C4orf36: variants seen among roughly 807,000 people sequenced by gnomAD.
C4orf36 encodes the protein uncharacterized protein C4orf36.
Under a neutral mutation model 12.2 loss-of-function variants are expected in C4orf36, and 11 were observed. That is an observed-to-expected ratio of 0.90 (90% CI 0.57 to 1.49). The LOEUF (loss-of-function observed/expected upper bound fraction) is 1.49. Ranked by LOEUF, C4orf36 falls within the 40% of genes most tolerant of loss-of-function variation. The probability of loss-of-function intolerance (pLI) is 0.00; values close to 1 mark genes in which losing one functional copy is unlikely to be tolerated. For missense variants in C4orf36, 137 were observed against 133.9 expected, an observed-to-expected ratio of 1.02 and a Z score of -0.11; for synonymous variants, 54 against 51.3, an observed-to-expected ratio of 1.05 and a Z score of -0.22.
chr4:86,904,273 C>T, the C4orf36 span, among the ~76,000 whole-genome samples: 1 of 152,224 alleles, frequency 6.6e-6, no homozygotes, highest in Admixed American at 6.5e-5. Context: ...GCAGCCCTGG[C>T]TCCGCCCGCG....
At chr4:86,928,861 A>G in the C4orf36 span, among the ~76,000 whole-genome samples, 1 of 151,812 alleles carries the variant, frequency 6.6e-6, no homozygotes, top group Admixed American at 6.6e-5. Context: ...CATTTTCCCC[A>G]ACTTCCTCTT....
chr4:86,930,346 T>A, the C4orf36 span, among the ~76,000 whole-genome samples: 1,644 of 152,352 alleles, frequency 0.011, 36 homozygotes, highest in African/African-American at 0.037. Context: ...CTAATCTAAT[T>A]TTGTGTATAG....
In C4orf36 at chr4:86,884,299, A is replaced by T. The variant is rs10049889; in HGVS notation, c.*2+3459T>A. On this transcript the variant is annotated intron_variant, in intron 4 of 4. Coordinates refer to ENST00000295898, the MANE Select transcript of C4orf36 (RefSeq NM_144645.4). The stretch of plus-strand genomic sequence containing the variant: ...AATTAGGCAGAAGGAAAAAGACTGA[A>T]TTTTTTTTTTTTTTTTTTTTTTTGA... Among the ~76,000 whole-genome samples the T allele has an allele frequency of 5.0e-3, 246 of 49,592 alleles. 26 individuals carry two copies. Among genetic ancestry groups the T allele is most frequent in the African/African-American group, 6.8e-3 (90 of 13,168 alleles). 32.5% of individuals were successfully genotyped at this position (49,592 alleles called of 152,430 possible). A position where few individuals can be genotyped will look rare whatever the true frequency, so the allele number is the denominator to read the frequency against.
At chr4:86,890,359 T>G (rs1383841006) in intron 2 of C4orf36, among the ~76,000 whole-genome samples, 1 of 151,974 alleles carries the variant, frequency 6.6e-6, no homozygotes, top group African/African-American at 2.4e-5. Context: ...CTATACAAGA[T>G]ATATTAGGAA....
At chr4:86,893,817 C>A (rs988765978), upstream of C4orf36, among the ~76,000 whole-genome samples, 1 of 151,988 alleles carries the variant, frequency 6.6e-6, no homozygotes, top group Non-Finnish European at 1.5e-5. Context: ...AATGTTGAAA[C>A]CCTCAATGGA....
chr4:86,933,036 T>TA, the C4orf36 span: 2 of 152,116 alleles, frequency 1.3e-5, no homozygotes, highest in Non-Finnish European at 2.9e-5. Context: ...AAAGTAGATA[T>TA]AAAAAATTTT....
chr4:86,919,756 T>C, the C4orf36 span, among the ~76,000 whole-genome samples: 1 of 152,180 alleles, frequency 6.6e-6, no homozygotes, highest in East Asian at 1.9e-4. Context: ...TTTACCCAGC[T>C]GGGTGTGGTG....
chr4:86,916,919 G>A, the C4orf36 span, among the ~76,000 whole-genome samples: 1 of 152,108 alleles, frequency 6.6e-6, no homozygotes, highest in Non-Finnish European at 1.5e-5. Flanking sequence ...CATTTATGCT[G>A]CCTGTCTTAG....
chr4:86,893,639 CCTT>C (rs1188059487), upstream of C4orf36, among the ~76,000 whole-genome samples: 7 of 151,746 alleles, frequency 4.6e-5, no homozygotes, highest in Non-Finnish European at 7.4e-5. Flanking sequence ...AACTTCTGAT[CCTT>C]CTGATTAGAG....
chr4:86,882,545 C>T (rs1403393161), intron 4 of C4orf36, among the ~76,000 whole-genome samples: 1 of 152,154 alleles, frequency 6.6e-6, no homozygotes, highest in African/African-American at 2.4e-5. Context: ...GCCCTCCTGA[C>T]CTTGATTTAC....
upstream of C4orf36, among the ~76,000 whole-genome samples, chr4:86,893,862 ATTTTTATTTATT>A (rs1253419028): frequency 7.2e-5 from 10 of 138,498 alleles, no homozygotes; most frequent in African/African-American, 2.7e-4. Context: ...TTTGGCCTGA[ATTTTTATTTATT>A]TATTTATTTA....
chr4:86,934,808 G>C, the C4orf36 span: 1 of 152,198 alleles, frequency 6.6e-6, no homozygotes, highest in Non-Finnish European at 1.5e-5. Context: ...GCCGTATTCC[G>C]TCCTGAGCTG....
intron 4 of C4orf36, 70 bp downstream of exon 4, chr4:86,887,688 G>C: frequency 6.3e-7 from 1 of 1,577,292 alleles, no homozygotes; most frequent in Admixed American, 1.7e-5. Context: ...ACTATACATA[G>C]TGAAAGGTCC....
chr4:86,920,081 C>T, the C4orf36 span, among the ~76,000 whole-genome samples: 1,036 of 152,296 alleles, frequency 6.8e-3, 9 homozygotes, highest in African/African-American at 0.023. Context: ...GCTTATCACT[C>T]TTAAATTCTG....
chr4:86,931,850 A>G, the C4orf36 span, among the ~76,000 whole-genome samples: 1 of 151,676 alleles, frequency 6.6e-6, no homozygotes, highest in Non-Finnish European at 1.5e-5. Flanking sequence ...CCTGTCTAAC[A>G]TGGTGAAACT....
At chr4:86,904,727 C>CTA in the C4orf36 span, among the ~76,000 whole-genome samples, 2 of 151,776 alleles carry the variant, frequency 1.3e-5, no homozygotes, top group South Asian at 2.1e-4. Context: ...GGCCGCATCT[C>CTA]TAAATAATAA....
chr4:86,898,556 G>T, the C4orf36 span, among the ~76,000 whole-genome samples: 1 of 151,934 alleles, frequency 6.6e-6, no homozygotes, highest in Non-Finnish European at 1.5e-5. Context: ...ATAATTAAAA[G>T]AATAAAAAGA....
Position 86,892,208 on chromosome 4 carries a change from G to T in C4orf36, c.-99C>A. 1 of 985,596 alleles carries T rather than the reference G, an allele frequency of 1.0e-6. No homozygotes were observed. Among genetic ancestry groups the T allele is most frequent in the African/African-American group, 1.7e-5 (1 of 57,374 alleles). 61.1% of individuals were successfully genotyped at this position (985,596 alleles called of 1,614,324 possible). ...CTGGGCCCCACCCTGCCTCCGACTC[G>T]CCAGGAATGCGCTGTGTGCGCGGGG... On this transcript the variant is annotated 5_prime_UTR_variant, in exon 1 of 5. Transcript: ENST00000295898.
At chr4:86,889,980 C>A in intron 2 of C4orf36, 1 of 439,442 alleles carries the variant, frequency 2.3e-6, no homozygotes, top group Admixed American at 2.4e-5. Flanking sequence ...CACTTGAGGA[C>A]AGGAGTTTGA....
Sources: gnomAD v4.1 joint callset for allele counts (sites outside exome capture counted in the v4.1 genomes callset) on GRCh38, gnomAD v4.1.1 for gene constraint, MANE v1.5 for transcripts, NCBI Gene and HGNC (gene_info 2026-07-23, HGNC 2026-07-21) for gene names.